Variants in FYB1 observed in about 807,000 individuals in gnomAD.
FYB1 encodes the protein FYN-binding protein 1.
FYB1 carries 41 observed loss-of-function variants against 94.1 expected under a neutral mutation model. The observed-to-expected ratio is 0.44, with a 90% CI of 0.34 to 0.57. FYB1 has a LOEUF of 0.57. Ranked by LOEUF, FYB1 falls within the 20% of genes least tolerant of loss-of-function variation. FYB1 has a pLI of 0.02. For missense variants in FYB1, 1,050 were observed against 976.8 expected (o/e 1.07, Z -1.00); for synonymous variants, 367 against 353.2 (o/e 1.04, Z -0.44).
At position 39,269,174 on chromosome 5, in the gene FYB1, C is replaced by T. The variant is rs190398455; in HGVS notation, c.-28+5229G>A. ...ACACCATTCTCCTGCCTCGGCCTCC[C>T]GAGTGGCTGGGACTACAGGCACCCA... is the stretch of plus-strand genomic sequence containing the variant. On this transcript the variant is annotated intron_variant, in intron 1 of 1. Transcript: ENST00000510188. 1.5e-3 allele frequency among the ~76,000 whole-genome samples: 224 copies of T among 152,260 alleles called. 3 individuals are homozygous for T. The Middle Eastern group carries it at 0.031, about 21-fold the overall frequency.
intron 10 of FYB1, among the ~76,000 whole-genome samples, chr5:39,128,109 G>C (rs1740856628): frequency 2.6e-5 from 4 of 152,228 alleles, no homozygotes; most frequent in Admixed American, 2.6e-4. Flanking sequence ...TGTGGAAAAA[G>C]AAGTGAGGAG....
At chr5:39,201,004 T>A (rs1047521120) in intron 2 of FYB1, among the ~76,000 whole-genome samples, 4 of 152,228 alleles carry the variant, frequency 2.6e-5, no homozygotes, top group African/African-American at 9.6e-5. Flanking sequence ...AAATTTAAAC[T>A]ATTTACCCGA....
At chr5:39,151,621 G>T (rs1353808346) in intron 3 of FYB1, among the ~76,000 whole-genome samples, 2 of 152,130 alleles carry the variant, frequency 1.3e-5, no homozygotes, top group African/African-American at 4.8e-5. Flanking sequence ...TTAGTTTCTT[G>T]GTCCCTGCTT....
chr5:39,157,513 A>G (rs1339589057), intron 2 of FYB1, among the ~76,000 whole-genome samples: 1 of 152,214 alleles, frequency 6.6e-6, no homozygotes, highest in Non-Finnish European at 1.5e-5. Context: ...AAGATGAATG[A>G]CTGATAATAG....
chr5:39,131,232 C>T (rs937722712), intron 9 of FYB1, among the ~76,000 whole-genome samples: 1 of 152,068 alleles, frequency 6.6e-6, no homozygotes, highest in African/African-American at 2.4e-5. Context: ...TGTCTGTTTT[C>T]TTGCCTATAT....
At chr5:39,138,715 G>A (rs201235021) in intron 5 of FYB1, 24 bp from the exon 6 acceptor site, 1 of 1,355,568 alleles carries the variant, frequency 7.4e-7, no homozygotes, top group Non-Finnish European at 1.0e-6. Flanking sequence ...CATTGATAAT[G>A]ATTAATTTTT....
intron 1 of FYB1, among the ~76,000 whole-genome samples, chr5:39,272,309 G>A (rs906862147): frequency 3.3e-5 from 5 of 152,094 alleles, no homozygotes; most frequent in Non-Finnish European, 5.9e-5. Context: ...AAATAATCGT[G>A]ACACTCTGAC....
intron 1 of FYB1, among the ~76,000 whole-genome samples, chr5:39,272,670 C>CAAAAAAAAAAA (rs1195291951): frequency 4.2e-5 from 3 of 70,874 alleles, no homozygotes; most frequent in Non-Finnish European, 8.0e-5. Flanking sequence ...AGACTCATCT[C>CAAAAAAAAAAA]AAAAAAAAAA....
chr5:39,234,673 A>T (rs912765772), intron 1 of FYB1, among the ~76,000 whole-genome samples: 3 of 152,220 alleles, frequency 2.0e-5, no homozygotes, highest in African/African-American at 7.2e-5. Flanking sequence ...ATGGATAAGG[A>T]AAATGTGGCA....
At chr5:39,110,444 A>G in intron 16 of FYB1, 55 bp from the exon 17 acceptor site, 1 of 1,169,432 alleles carries the variant, frequency 8.6e-7, no homozygotes, top group Non-Finnish European at 1.3e-6. Flanking sequence ...AAAAATCTTT[A>G]GTACTTTTTT....
At chr5:39,144,156 T>C (rs1286398799) in intron 3 of FYB1, among the ~76,000 whole-genome samples, 1 of 152,234 alleles carries the variant, frequency 6.6e-6, no homozygotes, top group Non-Finnish European at 1.5e-5. Context: ...GTCACATCAA[T>C]TTAAAATTTG....
upstream of FYB1, among the ~76,000 whole-genome samples, chr5:39,221,577 G>C (rs1177993794): frequency 6.6e-6 from 1 of 152,228 alleles, no homozygotes; most frequent in East Asian, 1.9e-4. Context: ...GGGGGCAGAA[G>C]AGTTGAGGAA....
chr5:39,271,941 G>C (rs1393775347), intron 1 of FYB1, among the ~76,000 whole-genome samples: 1 of 152,160 alleles, frequency 6.6e-6, no homozygotes, highest in African/African-American at 2.4e-5. Context: ...TTTCCAGAAT[G>C]CTTTGAAATG....
intron 2 of FYB1, among the ~76,000 whole-genome samples, chr5:39,188,748 G>T (rs530126437): frequency 6.6e-6 from 1 of 151,926 alleles, no homozygotes; most frequent in African/African-American, 2.4e-5. Context: ...GGCCAGGCTG[G>T]TCTCGAACTC....
upstream of FYB1, among the ~76,000 whole-genome samples, chr5:39,221,195 CA>C (rs1246940876): frequency 6.6e-6 from 1 of 152,106 alleles, no homozygotes; most frequent in Non-Finnish European, 1.5e-5. Flanking sequence ...AAGAGGGCCC[CA>C]TCATGCTTTC....
intron 12 of FYB1, among the ~76,000 whole-genome samples, chr5:39,124,915 CCACACACACACA>C (rs56887056): frequency 1.4e-4 from 20 of 139,554 alleles, no homozygotes; most frequent in Admixed American, 6.5e-4. Flanking sequence ...TAAATACACT[CCACACACACACA>C]CACACACACA....
At chr5:39,234,372 C>G (rs1008812630) in intron 1 of FYB1, among the ~76,000 whole-genome samples, 1 of 152,040 alleles carries the variant, frequency 6.6e-6, no homozygotes, top group Admixed American at 6.6e-5. Context: ...AGCCCATGTC[C>G]TAGGCAATGT....
intron 5 of FYB1, 161 bp downstream of exon 5, chr5:39,139,072 A>C: frequency 2.6e-6 from 2 of 779,958 alleles, no homozygotes; most frequent in South Asian, 4.3e-5. Flanking sequence ...CTAGTGTGTA[A>C]CATCTTAAGC....
chr5:39,158,800 AC>A (rs1743988024), intron 2 of FYB1, among the ~76,000 whole-genome samples: 1 of 152,128 alleles, frequency 6.6e-6, no homozygotes, highest in South Asian at 2.1e-4. Flanking sequence ...TTCCTTAACA[AC>A]ACCAAAGACG....
Sources: gnomAD v4.1 joint callset for allele counts (sites outside exome capture counted in the v4.1 genomes callset) on GRCh38, gnomAD v4.1.1 for gene constraint, MANE v1.5 for transcripts, NCBI Gene and HGNC (gene_info 2026-07-23, HGNC 2026-07-21) for gene names.